PDE4D: variants seen among roughly 807,000 people sequenced by gnomAD.
PDE4D encodes the protein 3',5'-cyclic-AMP phosphodiesterase 4D.
A neutral mutation model predicts 87.4 loss-of-function variants in PDE4D; 24 were observed. That is an observed-to-expected ratio of 0.27 (90% CI 0.20 to 0.39). The LOEUF (loss-of-function observed/expected upper bound fraction) is 0.39. PDE4D is among the 10% of genes least tolerant of loss of function. The pLI, the probability that PDE4D is intolerant of heterozygous loss-of-function variation, is 1.00. For missense variants in PDE4D, 714 were observed against 1,041.0 expected (o/e 0.69, Z 4.32); for synonymous variants, 384 against 383.2 (o/e 1.00, Z -0.02).
intron 1 of PDE4D, among the ~76,000 whole-genome samples, chr5:59,449,086 C>T (rs1380781804): frequency 3.3e-5 from 5 of 152,198 alleles, no homozygotes; most frequent in Admixed American, 6.5e-5. Context: ...AAGAACAATG[C>T]TTTTGATGCA....
At chr5:59,214,185 C>T (rs548986435) in intron 2 of PDE4D, among the ~76,000 whole-genome samples, 62 of 152,040 alleles carry the variant, frequency 4.1e-4, no homozygotes, top group Middle Eastern at 3.4e-3. Context: ...CTGTGAATTT[C>T]GACATGAAAT....
intron 2 of PDE4D, among the ~76,000 whole-genome samples, chr5:60,092,038 G>A (rs1333323668): frequency 1.0e-4 from 10 of 98,228 alleles, no homozygotes; most frequent in African/African-American, 1.7e-4. Context: ...GCGACAGAGC[G>A]AAACTCCGTC....
At chr5:59,860,763 T>G (rs898581449) in intron 1 of PDE4D, among the ~76,000 whole-genome samples, 3 of 152,012 alleles carry the variant, frequency 2.0e-5, no homozygotes, top group Admixed American at 6.5e-5. Context: ...TCTTTCTCAT[T>G]CAAGATACTA....
intron 2 of PDE4D, among the ~76,000 whole-genome samples, chr5:59,210,748 A>G (rs1347155871): frequency 6.6e-6 from 1 of 152,160 alleles, no homozygotes; most frequent in Non-Finnish European, 1.5e-5. Context: ...CGATTGGATC[A>G]TCTTTGCATT....
At chr5:59,544,718 C>T (rs181219095) in intron 1 of PDE4D, among the ~76,000 whole-genome samples, 2 of 152,240 alleles carry the variant, frequency 1.3e-5, no homozygotes, top group Admixed American at 1.3e-4. Context: ...AGGGGAGAAG[C>T]GAGCTGTTAG....
chr5:60,451,628 G>T (rs915472709), intron 1 of PDE4D, among the ~76,000 whole-genome samples: 1 of 152,092 alleles, frequency 6.6e-6, no homozygotes, highest in Non-Finnish European at 1.5e-5. Flanking sequence ...TATTAAGGAT[G>T]TTGGAACCAC....
At chr5:59,604,495 C>T (rs978974505) in intron 1 of PDE4D, among the ~76,000 whole-genome samples, 2 of 151,874 alleles carry the variant, frequency 1.3e-5, no homozygotes, top group Non-Finnish European at 2.9e-5. Context: ...ATTAATGCAA[C>T]GTAAGCTGGG....
intron 3 of PDE4D, among the ~76,000 whole-genome samples, chr5:59,937,697 C>T (rs1348468008): frequency 6.6e-6 from 1 of 152,206 alleles, no homozygotes; most frequent in Admixed American, 6.5e-5. Flanking sequence ...CTCCTAAAGG[C>T]CCTCTCTCCT....
chr5:59,413,293 TA>T (rs769564515), intron 1 of PDE4D, among the ~76,000 whole-genome samples: 18 of 151,506 alleles, frequency 1.2e-4, no homozygotes, highest in Non-Finnish European at 2.7e-4. Context: ...CCGTCTCTAC[TA>T]AAAATACAAA....
At chr5:59,923,161 T>A (rs1287197503) in intron 3 of PDE4D, among the ~76,000 whole-genome samples, 1 of 152,160 alleles carries the variant, frequency 6.6e-6, no homozygotes, top group Non-Finnish European at 1.5e-5. Flanking sequence ...GGTCTTTGTC[T>A]TATAGCTTTG....
intron 6 of PDE4D, among the ~76,000 whole-genome samples, chr5:59,005,539 A>C (rs1380297027): frequency 1.3e-5 from 2 of 152,216 alleles, no homozygotes; most frequent in Non-Finnish European, 2.9e-5. Flanking sequence ...CTATCTGCAG[A>C]GAGAATCTAG....
At chr5:60,257,099 A>T (rs533687562) in intron 1 of PDE4D, among the ~76,000 whole-genome samples, 1 of 151,952 alleles carries the variant, frequency 6.6e-6, no homozygotes, top group South Asian at 2.1e-4. Flanking sequence ...TTTAAAATAA[A>T]ATAAAATTCA....
intron 1 of PDE4D, among the ~76,000 whole-genome samples, chr5:60,319,895 T>C (rs1756051646): frequency 6.6e-6 from 1 of 152,174 alleles, no homozygotes; most frequent in Non-Finnish European, 1.5e-5. Flanking sequence ...CTGCCCCTAC[T>C]GGGGGGTACC....
intron 5 of PDE4D, among the ~76,000 whole-genome samples, chr5:59,048,006 A>G (rs992362108): frequency 6.6e-6 from 1 of 152,200 alleles, no homozygotes; most frequent in Non-Finnish European, 1.5e-5. Flanking sequence ...CCATCAGTTT[A>G]TGGTATTTTG....
intron 6 of PDE4D, among the ~76,000 whole-genome samples, chr5:58,996,807 A>T (rs1247692010): frequency 1.3e-5 from 2 of 152,190 alleles, no homozygotes; most frequent in African/African-American, 4.8e-5. Context: ...ATTCACCAAA[A>T]TAGCCAGTTA....
rs1265303814 is a variant in PDE4D, at chr5:59,121,362, A to G, written c.808+59233T>C. On this transcript the variant is annotated intron_variant, in intron 5 of 14. Transcript: ENST00000340635. ...AACTCAAACGTCTCAATAGTAAAAA[A>G]GCACACAATCCCATTAAAAGTGGAC... is the stretch of plus-strand genomic sequence containing the variant. Among the ~76,000 whole-genome samples the G allele has an allele frequency of 7.2e-5, 11 of 152,326 alleles. No individual in the cohort carries two copies. The East Asian group carries it at 1.5e-3, about 21-fold the overall frequency.
intron 1 of PDE4D, among the ~76,000 whole-genome samples, chr5:59,754,265 G>A (rs1018279971): frequency 1.3e-5 from 2 of 152,158 alleles, no homozygotes; most frequent in South Asian, 2.1e-4. Context: ...AGGAGGCAGA[G>A]GTTGCAGTGA....
chr5:59,726,895 TA>T (rs1336343753), intron 1 of PDE4D, among the ~76,000 whole-genome samples: 1 of 152,078 alleles, frequency 6.6e-6, no homozygotes, highest in Non-Finnish European at 1.5e-5. Context: ...CCATCTAGTT[TA>T]ACTCATTGAT....
At chr5:59,382,375 C>T (rs1038503478) in intron 1 of PDE4D, among the ~76,000 whole-genome samples, 3 of 152,060 alleles carry the variant, frequency 2.0e-5, no homozygotes, top group African/African-American at 7.2e-5. Context: ...TGATACCATA[C>T]CTCTATTCCA....
Sources: allele counts gnomAD v4.1 joint callset (sites outside exome capture counted in the v4.1 genomes callset), GRCh38; gene constraint gnomAD v4.1.1; transcripts MANE v1.5; gene names NCBI Gene and HGNC (gene_info 2026-07-23, HGNC 2026-07-21).